SLCO1B1: variants seen among roughly 807,000 people sequenced by gnomAD.
The protein encoded by SLCO1B1 is OATP-2.
In SLCO1B1, 81 loss-of-function variants were observed where a neutral mutation model predicts 70.1. The ratio of observed to expected loss-of-function variants is 1.16; its 90% CI spans 0.97 to 1.39. The LOEUF (loss-of-function observed/expected upper bound fraction) is 1.39. SLCO1B1 is among the 40% of genes most tolerant of loss of function. The pLI is 0.00. For synonymous variants in SLCO1B1, 283 were observed against 271.5 expected, an observed-to-expected ratio of 1.04 and a Z score of -0.42; for missense variants, 895 against 799.6, an observed-to-expected ratio of 1.12 and a Z score of -1.44.
intron 1 of SLCO1B1, among the ~76,000 whole-genome samples, chr12:21,137,954 C>A (rs1181575495): frequency 6.6e-6 from 1 of 152,170 alleles, no homozygotes; most frequent in Non-Finnish European, 1.5e-5. Flanking sequence ...TAGACCAGAG[C>A]TGTTCCTATT....
intron 11 of SLCO1B1, among the ~76,000 whole-genome samples, chr12:21,211,372 T>A (rs1012683205): frequency 6.6e-6 from 1 of 152,266 alleles, no homozygotes; most frequent in Non-Finnish European, 1.5e-5. Context: ...TTTATTGATT[T>A]GTGTATATTG....
chr12:21,144,394 C>A (rs1252742590), intron 2 of SLCO1B1, among the ~76,000 whole-genome samples: 2 of 151,942 alleles, frequency 1.3e-5, no homozygotes, highest in Non-Finnish European at 2.9e-5. Context: ...ATGAAAAAAA[C>A]CTCTGAGAAA....
chr12:21,163,986 A>G (rs7310315), intron 2 of SLCO1B1, among the ~76,000 whole-genome samples: 17,812 of 152,150 alleles, frequency 0.12, 1,341 homozygotes, highest in South Asian at 0.29. Context: ...ATCTAAGGAT[A>G]CTTGGGAGGA....
At chr12:21,189,738 T>C (rs11045836) in intron 7 of SLCO1B1, among the ~76,000 whole-genome samples, 2,187 of 152,252 alleles carry the variant, frequency 0.014, 54 homozygotes, top group African/African-American at 0.049. Flanking sequence ...TATCAGCCAC[T>C]GACTGACATA....
At chr12:21,153,401 C>T (rs911727348) in intron 2 of SLCO1B1, among the ~76,000 whole-genome samples, 5 of 152,116 alleles carry the variant, frequency 3.3e-5, no homozygotes, top group Admixed American at 6.5e-5. Context: ...GGAGATTTTT[C>T]GTAATAAATT....
chr12:21,162,887 C>T (rs1337390451), intron 2 of SLCO1B1, among the ~76,000 whole-genome samples: 1 of 152,114 alleles, frequency 6.6e-6, no homozygotes, highest in Non-Finnish European at 1.5e-5. Context: ...TGCTTGTGCT[C>T]TTTCTGTATT....
At chr12:21,135,726 G>C (rs1940211111) in intron 1 of SLCO1B1, among the ~76,000 whole-genome samples, 1 of 152,110 alleles carries the variant, frequency 6.6e-6, no homozygotes, top group South Asian at 2.1e-4. Context: ...GCCTATGTGT[G>C]TCTCTGCATG....
chr12:21,227,781 T>C (rs968356947), intron 14 of SLCO1B1, among the ~76,000 whole-genome samples: 3 of 151,508 alleles, frequency 2.0e-5, no homozygotes, highest in African/African-American at 7.2e-5. Context: ...GGCTTTATAA[T>C]GGTTTGAGTA....
chr12:21,196,710 T>G (rs1251409908), intron 7 of SLCO1B1, among the ~76,000 whole-genome samples: 1 of 152,138 alleles, frequency 6.6e-6, no homozygotes, highest in Non-Finnish European at 1.5e-5. Context: ...AGCCATCAAG[T>G]GCACACAAGC....
At chr12:21,173,742 G>A (rs942684416) in intron 3 of SLCO1B1, among the ~76,000 whole-genome samples, 2 of 150,300 alleles carry the variant, frequency 1.3e-5, no homozygotes, top group Non-Finnish European at 3.0e-5. Flanking sequence ...TTATGCCTGA[G>A]GCTCCAGATG....
At chr12:21,142,640 C>T (rs909037933) in intron 2 of SLCO1B1, among the ~76,000 whole-genome samples, 1 of 151,898 alleles carries the variant, frequency 6.6e-6, no homozygotes, top group East Asian at 1.9e-4. Context: ...ACTGATAAAG[C>T]CTTCTCTGAT....
chr12:21,137,003 G>A (rs1221220706), intron 1 of SLCO1B1, among the ~76,000 whole-genome samples: 2 of 152,082 alleles, frequency 1.3e-5, no homozygotes, highest in East Asian at 3.9e-4. Context: ...GTACAGATGG[G>A]TTTTTGGTGC....
At chr12:21,154,119 T>A (rs1471967853) in intron 2 of SLCO1B1, among the ~76,000 whole-genome samples, 1 of 152,082 alleles carries the variant, frequency 6.6e-6, no homozygotes, top group Non-Finnish European at 1.5e-5. Context: ...TAAAATTCTT[T>A]CTTATACTTT....
rs528325013 is a variant in SLCO1B1 at position 21,202,472 on chromosome 12, T to C, written c.1136-19T>C. 2.0e-6 allele frequency: 3 copies of C among 1,531,676 alleles called. No individual in the cohort carries two copies. The highest frequency in any genetic ancestry group is 2.3e-5 in the East Asian group (1 of 44,254). The allele number at this position is 1,531,676 out of a possible 1,614,324, so 94.9% of individuals were successfully genotyped here. ...AGAAAACTCATATATGATTACAACT[T>C]TTTTTCTTTTTTTTCTAGGAGTCAT... On this transcript the variant is annotated intron_variant, in intron 9 of 14. Transcript: ENST00000256958.
chr12:21,186,827 C>A (rs1940968198), intron 7 of SLCO1B1, among the ~76,000 whole-genome samples: 1 of 151,948 alleles, frequency 6.6e-6, no homozygotes, highest in Non-Finnish European at 1.5e-5. Flanking sequence ...TAACCACAGA[C>A]TTTAATGTGA....
intron 2 of SLCO1B1, among the ~76,000 whole-genome samples, chr12:21,170,622 C>T (rs17388851): frequency 0.36 from 54,504 of 152,032 alleles, 11,820 homozygotes; most frequent in Non-Finnish European, 0.48. Flanking sequence ...ACTCTGTTGC[C>T]CCTTTCTCCT....
At chr12:21,186,547 T>G (rs1363264334) in intron 7 of SLCO1B1, among the ~76,000 whole-genome samples, 1 of 151,980 alleles carries the variant, frequency 6.6e-6, no homozygotes, top group African/African-American at 2.4e-5. Context: ...CCTAAGAAAC[T>G]GAGAAAAGTC....
chr12:21,211,424 G>T (rs1234071753), intron 11 of SLCO1B1, among the ~76,000 whole-genome samples: 2 of 152,278 alleles, frequency 1.3e-5, no homozygotes, highest in Non-Finnish European at 2.9e-5. Context: ...CTTGATCATG[G>T]TGGATAAGCT....
At chr12:21,176,271 A>G (rs767566781) in intron 4 of SLCO1B1, among the ~76,000 whole-genome samples, 18 of 152,126 alleles carry the variant, frequency 1.2e-4, no homozygotes, top group Admixed American at 3.9e-4. Flanking sequence ...CTAATTATTT[A>G]TGGATATTAA....
Sources: gnomAD v4.1 joint callset for allele counts (sites outside exome capture counted in the v4.1 genomes callset) on GRCh38, gnomAD v4.1.1 for gene constraint, MANE v1.5 for transcripts, NCBI Gene and HGNC (gene_info 2026-07-23, HGNC 2026-07-21) for gene names.